ANKRD28: variants seen among roughly 807,000 people sequenced by gnomAD.
ANKRD28 encodes serine/threonine-protein phosphatase 6 regulatory ankyrin repeat subunit A.
A neutral mutation model predicts 126.5 loss-of-function variants in ANKRD28; 44 were observed. The ratio of observed to expected loss-of-function variants is 0.35; its 90% CI spans 0.27 to 0.45. ANKRD28 has a LOEUF of 0.45. ANKRD28 is among the 20% of genes least tolerant of loss of function. The pLI is 1.00. For missense variants in ANKRD28, 1,110 were observed against 1,316.6 expected (o/e 0.84, Z 2.43); for synonymous variants, 442 against 468.5 (o/e 0.94, Z 0.73).
chr3:15,736,285 G>A (rs1034815310), intron 5 of ANKRD28, among the ~76,000 whole-genome samples: 5 of 151,912 alleles, frequency 3.3e-5, no homozygotes, highest in South Asian at 2.1e-4. Context: ...TTTTATCATC[G>A]GTATGTATAG....
chr3:15,737,261 C>G lies in ANKRD28; in HGVS notation c.352-28G>C, dbSNP rs377498811. 7.3e-4 allele frequency: 1,154 copies of G among 1,584,138 alleles called. 2 individuals carry two copies. The highest frequency in any genetic ancestry group is 9.0e-4 in the Non-Finnish European group (1,041 of 1,160,340). On this transcript the variant is annotated intron_variant, in intron 4 of 27. Transcript: ENST00000683139. ...AAAACATATGAAAAGTTATAAAAGACAAATGAGTTAAGAGTTTGAGAAATT... is the reference window on the plus strand; with the variant it reads ...AAAACATATGAAAAGTTATAAAAGAGAAATGAGTTAAGAGTTTGAGAAATT...
chr3:15,749,244 G>A lies in ANKRD28; in HGVS notation c.351+2506C>T, dbSNP rs559776616. ...TCCTGCCTCAGCCTCCCGAGTAGCTGGGACTACAGGCGCCCGCCACCGCGC... is the reference window on the plus strand; with the variant it reads ...TCCTGCCTCAGCCTCCCGAGTAGCTAGGACTACAGGCGCCCGCCACCGCGC... On this transcript the variant is annotated intron_variant, in intron 4 of 27. Transcript: ENST00000683139. Among the ~76,000 whole-genome samples, 7 of 150,728 alleles carry A rather than the reference G, an allele frequency of 4.6e-5. No homozygotes were observed. The East Asian group carries it at 1.2e-3, about 25-fold the overall frequency.
intron 3 of ANKRD28, among the ~76,000 whole-genome samples, chr3:15,757,753 T>A (rs2058243030): frequency 6.6e-6 from 1 of 152,132 alleles, no homozygotes; most frequent in South Asian, 2.1e-4. Flanking sequence ...AATTTTTAAG[T>A]CACTCAGTCT....
chr3:15,731,948 A>G (rs1013990461), intron 6 of ANKRD28: 2 of 147,896 alleles, frequency 1.4e-5, no homozygotes, highest in African/African-American at 5.0e-5. Flanking sequence ...CTTTACACTC[A>G]CACTGAAGGT....
chr3:15,827,671 T>A lies in ANKRD28; in HGVS notation c.27+31706A>T, dbSNP rs146518848. Reference sequence around the variant, plus strand: ...AACACAGGGGAAAAGCTTCATGACATTGGATTTGGCAGTGATTCCTTGGCT... The same window carrying A: ...AACACAGGGGAAAAGCTTCATGACAATGGATTTGGCAGTGATTCCTTGGCT... On this transcript the variant is annotated intron_variant, in intron 1 of 27. Transcript: ENST00000399451. 1.6e-4 allele frequency among the ~76,000 whole-genome samples: 25 copies of A among 152,228 alleles called. 1 individual carries two copies. In the East Asian group the frequency reaches 2.7e-3, roughly 16 times the overall value.
In ANKRD28 at chr3:15,849,080, A is replaced by C. The variant is rs568330726; in HGVS notation, c.27+10297T>G. Among the ~76,000 whole-genome samples the C allele has an allele frequency of 8.5e-5, 13 of 152,338 alleles. No individual in the cohort carries two copies. The South Asian group carries it at 2.7e-3, about 32-fold the overall frequency. On this transcript the variant is annotated intron_variant, in intron 1 of 27. Coordinates refer to the ANKRD28 transcript ENST00000399451. Reference sequence around the variant, plus strand: ...AAAATAAGAAAATTCCATACACAATAGCATTTTAAAACCTTAGAAATTTAA... The same window carrying C: ...AAAATAAGAAAATTCCATACACAATCGCATTTTAAAACCTTAGAAATTTAA...
chr3:15,744,785 A>T (rs2057368075), intron 4 of ANKRD28, among the ~76,000 whole-genome samples: 1 of 152,134 alleles, frequency 6.6e-6, no homozygotes, highest in Non-Finnish European at 1.5e-5. Context: ...TGCTGGATCA[A>T]ATGGTAGATT....
chr3:15,821,894 G>A (rs1200287446), intron 1 of ANKRD28, among the ~76,000 whole-genome samples: 1 of 152,164 alleles, frequency 6.6e-6, no homozygotes, highest in Non-Finnish European at 1.5e-5. Flanking sequence ...GTTCCACCAT[G>A]CTTGGAGATT....
In ANKRD28 at chr3:15,833,202, A is replaced by G. The variant is rs1023202921; in HGVS notation, c.27+26175T>C. The stretch of plus-strand genomic sequence containing the variant: ...TAACATTTAAGTCAGTGGGCTGGGA[A>G]AGGCGGATCTACCCTTAATCTGAGT... On this transcript the variant is annotated intron_variant, in intron 1 of 27. Coordinates refer to the ANKRD28 transcript ENST00000399451. The surrounding 1 kb of genome is among the most constrained non-coding windows in gnomAD (Gnocchi z 4.4). Among the ~76,000 whole-genome samples the G allele has an allele frequency of 6.6e-6, 1 of 152,048 alleles. No individual in the cohort carries two copies. Among genetic ancestry groups the G allele is most frequent in the African/African-American group, 2.4e-5 (1 of 41,380 alleles).
intron 2 of ANKRD28, among the ~76,000 whole-genome samples, chr3:15,784,435 A>G (rs1378696795): frequency 6.6e-6 from 1 of 152,010 alleles, no homozygotes. Flanking sequence ...CAAGTGGTAT[A>G]GTGTTATTTG....
intron 3 of ANKRD28, among the ~76,000 whole-genome samples, chr3:15,761,885 G>T (rs536448576): frequency 6.6e-6 from 1 of 152,156 alleles, no homozygotes; most frequent in African/African-American, 2.4e-5. Flanking sequence ...TTCTGGTTCA[G>T]ATTTCAAAAT....
intron 4 of ANKRD28, among the ~76,000 whole-genome samples, chr3:15,741,345 G>A (rs2075455966): frequency 6.6e-6 from 1 of 152,166 alleles, no homozygotes; most frequent in African/African-American, 2.4e-5. Context: ...CAAAGAGCCT[G>A]TCATACCCTA....
intron 3 of ANKRD28, among the ~76,000 whole-genome samples, chr3:15,753,998 T>C (rs1198046572): frequency 1.3e-5 from 2 of 152,020 alleles, no homozygotes; most frequent in African/African-American, 4.8e-5. Flanking sequence ...TTAATAAAGA[T>C]CTGAAAACAA....
intron 14 of ANKRD28, among the ~76,000 whole-genome samples, chr3:15,701,065 G>T (rs1353947636): frequency 6.6e-6 from 1 of 152,106 alleles, no homozygotes; most frequent in East Asian, 1.9e-4. Context: ...CTTATTAAAA[G>T]TTTCCAAAAT....
chr3:15,837,734 G>T (rs2061353515), intron 1 of ANKRD28, among the ~76,000 whole-genome samples: 1 of 151,864 alleles, frequency 6.6e-6, no homozygotes, highest in African/African-American at 2.4e-5. Flanking sequence ...ATTAGAAAAA[G>T]AGGAGCAAAC....
rs1054050808 is a variant in ANKRD28 at position 15,845,223 on chromosome 3, T to C, written c.27+14154A>G. On this transcript the variant is annotated intron_variant, in intron 1 of 27. Coordinates refer to the ANKRD28 transcript ENST00000399451. This position sits in a 1 kb window ranked among gnomAD's most constrained non-coding sequence, Gnocchi z 4.9. ...TATTTTAAAAATAACTTACAATGCA[T>C]TTCTTCAAAATAGCAAGTCACCTAT... Among the ~76,000 whole-genome samples, 1 of 152,202 alleles carries C rather than the reference T, an allele frequency of 6.6e-6. No homozygotes were observed. The highest frequency in any genetic ancestry group is 6.5e-5 in the Admixed American group (1 of 15,276).
chr3:15,836,231 T>G (rs564223580), intron 1 of ANKRD28, among the ~76,000 whole-genome samples: 30 of 152,242 alleles, frequency 2.0e-4, no homozygotes, highest in African/African-American at 7.0e-4. Context: ...TACTGTTGGG[T>G]TTATTACATA....
At chr3:15,742,018 C>T (rs1338662296) in intron 4 of ANKRD28, among the ~76,000 whole-genome samples, 217 of 152,266 alleles carry the variant, frequency 1.4e-3, no homozygotes, top group African/African-American at 4.2e-3. Flanking sequence ...GGATTGCAGA[C>T]GGAGTCTGGT....
chr3:15,827,630 A>G (rs1305540470), intron 1 of ANKRD28, among the ~76,000 whole-genome samples: 1 of 152,218 alleles, frequency 6.6e-6, no homozygotes, highest in Non-Finnish European at 1.5e-5. Flanking sequence ...CTAAAACTGT[A>G]AAACTCTTAG....
Sources: gnomAD v4.1 joint callset for allele counts (sites outside exome capture counted in the v4.1 genomes callset) on GRCh38, gnomAD v4.1.1 for gene constraint, Gnocchi (gnomAD v3.1) non-coding constraint, MANE v1.5 for transcripts, NCBI Gene and HGNC (gene_info 2026-07-23, HGNC 2026-07-21) for gene names.